The following TECPR1 variants were observed in gnomAD, a reference collection of about 807,000 sequenced individuals.
TECPR1 encodes the protein tectonin beta-propeller repeat containing 1, also known as tectonin beta-propeller repeat-containing protein 1.
A neutral mutation model predicts 162.4 loss-of-function variants in TECPR1; 122 were observed. That is an observed-to-expected ratio of 0.75 (90% CI 0.65 to 0.87). The LOEUF (loss-of-function observed/expected upper bound fraction) is 0.87, where lower values mean the gene tolerates loss of function less well. Among genes scored for constraint, TECPR1 ranks in the 40% least tolerant of loss-of-function variants. TECPR1 has a pLI of 0.00. For synonymous variants in TECPR1, 642 were observed against 670.6 expected (o/e 0.96, Z 0.66); for missense variants, 1,432 against 1,618.2 (o/e 0.88, Z 1.97).
At chr7:98,230,819 TG>T in intron 15 of TECPR1, 141 bp downstream of exon 15, 1 of 1,153,534 alleles carries the variant, frequency 8.7e-7, no homozygotes, top group Non-Finnish European at 1.2e-6. Context: ...CTTGGGGGCC[TG>T]GGAACCAGTG....
At chr7:98,233,330 C>T (rs1798498845) in intron 11 of TECPR1, 91 bp downstream of exon 11, 1 of 1,371,514 alleles carries the variant, frequency 7.3e-7, no homozygotes. Flanking sequence ...GCAGGCCTGC[C>T]CGAGCCCCCT....
At chr7:98,229,476 G>A (rs895127647) in intron 15 of TECPR1, among the ~76,000 whole-genome samples, 8 of 152,214 alleles carry the variant, frequency 5.3e-5, no homozygotes, top group African/African-American at 1.2e-4. Flanking sequence ...GGCCAGCGGC[G>A]TGTTTCACAG....
intron 21 of TECPR1, 145 bp downstream of exon 21, chr7:98,222,845 A>C (rs1798177657): frequency 1.8e-6 from 2 of 1,134,704 alleles, no homozygotes; most frequent in Admixed American, 4.1e-5. Context: ...TTCCTGGGCC[A>C]ACTGCCCCAG....
At chr7:98,230,176 CTTT>C (rs879558249) in intron 15 of TECPR1, among the ~76,000 whole-genome samples, 1 of 145,124 alleles carries the variant, frequency 6.9e-6, no homozygotes, top group Non-Finnish European at 1.5e-5. Context: ...TTTTTGGTTT[CTTT>C]TTTTTTTTGT....
chr7:98,233,820 G>A lies in TECPR1; in HGVS notation c.1273C>T (p.Pro425Ser), dbSNP rs371049413. The change falls in exon 11 of 26, where the codon CCT (proline) becomes TCT (serine). Residue 425 changes from proline (P) to serine (S), a missense_variant. Physicochemically the swap from Pro to Ser is moderately conservative, Grantham distance 74. Transcript: ENST00000447648. ...GGTTCTGCAGGGAGAATCTGGCCAG[G>A]CCCTGGTCTCTCGACTTCCGAGGAG... Reference protein sequence around the residue: ...DASSEVERPGPGQILPAEPLD... With the variant: ...DASSEVERPGSGQILPAEPLD... The A allele has an allele frequency of 5.0e-6, 8 of 1,602,474 alleles. No individual in the cohort carries two copies. Among genetic ancestry groups the A allele is most frequent in the Non-Finnish European group, 6.8e-6 (8 of 1,175,250 alleles).
At chr7:98,243,398 G>A in intron 6 of TECPR1, 69 bp downstream of exon 6, 2 of 1,587,804 alleles carry the variant, frequency 1.3e-6, no homozygotes. Flanking sequence ...GACCCAGGGG[G>A]TGCACAGGAC....
intron 23 of TECPR1, 139 bp downstream of exon 23, chr7:98,221,522 A>T: frequency 1.5e-6 from 1 of 660,430 alleles, no homozygotes; most frequent in African/African-American, 1.8e-5. Context: ...TGTGTCATGC[A>T]GACCATGTTG....
rs143879153 is a variant in TECPR1 at position 98,248,154 on chromosome 7, T to C, written c.-19-1989A>G. 3.2e-3 allele frequency among the ~76,000 whole-genome samples: 490 copies of C among 151,876 alleles called. 3 individuals carry two copies. The highest frequency in any genetic ancestry group is 0.011 in the African/African-American group (465 of 41,430). On this transcript the variant is annotated intron_variant, in intron 2 of 25. Coordinates refer to ENST00000447648, the MANE Select transcript of TECPR1 (RefSeq NM_015395.3). ...GCACCCAGGGGTGTCCTTCCTGGAG[T>C]CCTGGCTCCTGATAGGAACAGTCTT...
At chr7:98,226,576 A>T in intron 17 of TECPR1, 1 of 1,047,240 alleles carries the variant, frequency 9.5e-7, no homozygotes, top group African/African-American at 1.7e-5. Flanking sequence ...GTGAGATTAG[A>T]GTTGTCAGAG....
chr7:98,236,315 G>A (rs912094107), intron 10 of TECPR1, among the ~76,000 whole-genome samples: 7 of 152,176 alleles, frequency 4.6e-5, no homozygotes, highest in Admixed American at 4.6e-4. Flanking sequence ...AGGAGACCCC[G>A]ATGCCTGAGT....
intron 6 of TECPR1, among the ~76,000 whole-genome samples, chr7:98,242,247 A>G (rs1418094125): frequency 6.6e-6 from 1 of 152,176 alleles, no homozygotes; most frequent in Non-Finnish European, 1.5e-5. Context: ...GCGACTGAAG[A>G]ATCCTGCTGT....
chr7:98,246,104 C>T lies in TECPR1; in HGVS notation c.43G>A (p.Val15Met). 1.3e-6 allele frequency: 2 copies of T among 1,556,064 alleles called. No homozygotes were observed. The highest frequency in any genetic ancestry group is 8.7e-7 in the Non-Finnish European group (1 of 1,150,830). The change falls in exon 3 of 26, where the codon GTG (valine) becomes ATG (methionine). Residue 15 changes from valine (V) to methionine (M), a missense_variant. Coordinates refer to ENST00000447648, the MANE Select transcript of TECPR1 (RefSeq NM_015395.3). ...VLWAVDLFGR[V>M]YTLSTAGQYW... ...TGGCCTGCTGTGGACAGCGTGTACA[C>T]TCTCCCGAAGAGGTCCACCGCCCAC...
rs532997444 is a variant in TECPR1 at position 98,247,678 on chromosome 7, C to T, written c.-19-1513G>A. The stretch of plus-strand genomic sequence containing the variant: ...CAGTGACTCCTTCCTCCTCTTCCCC[C>T]GGCTCTCTTCTTCTGCCATTCTCTA... On this transcript the variant is annotated intron_variant, in intron 2 of 25. Transcript: ENST00000447648. Among the ~76,000 whole-genome samples, 55 of 152,160 alleles carry T rather than the reference C, an allele frequency of 3.6e-4. 1 individual carries two copies. The highest frequency in any genetic ancestry group is 1.0e-3 in the South Asian group (5 of 4,824).
Position 98,238,532 on chromosome 7 carries a change from C to T in TECPR1, c.1012G>A (p.Val338Met). 6.4e-7 allele frequency: 1 copy of T among 1,569,338 alleles called. No homozygotes were observed. Among genetic ancestry groups the T allele is most frequent in the East Asian group, 2.4e-5 (1 of 42,526 alleles). Residue 338 changes from valine to methionine, a missense_variant, in exon 9 of 26, where the codon GTG becomes ATG. Val to Met is a conservative substitution (Grantham distance 21). Transcript: ENST00000447648. ...WIEMVGEMTM[V>M]NVGMNDQVWG... ...ACCTGGTCGTTCATTCCCACGTTCA[C>T]CATCGTCATCTCACCAACCATCTCA...
Position 98,222,456 on chromosome 7 carries a change from G to A in TECPR1, c.2994C>T (p.Tyr998=). The change falls in exon 22 of 26, where the codon TAC becomes TAT. Residue 998 remains tyrosine, a synonymous_variant. Coordinates refer to ENST00000447648, the MANE Select transcript of TECPR1 (RefSeq NM_015395.3). ...PFASISIGAC[Y]QVWAVARDGS... is the part of the protein sequence containing the mutation. Reference sequence around the variant, plus strand: ...CGTCCCTTGCCACGGCCCACACCTGGTAGCAGGCCCCGATGGAGATGGAGG... The same window carrying A: ...CGTCCCTTGCCACGGCCCACACCTGATAGCAGGCCCCGATGGAGATGGAGG... 6.3e-7 allele frequency: 1 copy of A among 1,596,098 alleles called. No homozygotes were observed. The highest frequency in any genetic ancestry group is 1.1e-5 in the South Asian group (1 of 87,982).
chr7:98,245,095 T>C lies in TECPR1; in HGVS notation c.226-28A>G, dbSNP rs1474237786. ...GAGGGCCGGGGACACAGAGGCGGCC[T>C]TGGACCCAAGCCTGCTGGGCGGGAA... On this transcript the variant is annotated intron_variant, in intron 3 of 25. Coordinates refer to ENST00000447648, the MANE Select transcript of TECPR1 (RefSeq NM_015395.3). 5 of 1,557,672 alleles carry C rather than the reference T, an allele frequency of 3.2e-6. No homozygotes were observed. The African/African-American group carries it at 6.8e-5, about 21-fold the overall frequency.
At chr7:98,233,067 T>C (rs1798492496) in intron 11 of TECPR1, 95 bp from the exon 12 acceptor site, 4 of 1,409,040 alleles carry the variant, frequency 2.8e-6, no homozygotes, top group East Asian at 4.7e-5. Flanking sequence ...CAGCCCTTTC[T>C]AGCTCAAAAG....
At chr7:98,221,414 T>G (rs1332388135) in intron 23 of TECPR1, among the ~76,000 whole-genome samples, 2 of 152,146 alleles carry the variant, frequency 1.3e-5, no homozygotes, top group Non-Finnish European at 2.9e-5. Flanking sequence ...TATGCATGCA[T>G]GCCTGTATCA....
At position 98,217,442 on chromosome 7, in the gene TECPR1, T is replaced by C. The variant is rs896595393; in HGVS notation, c.3446A>G (p.Gln1149Arg). Reference protein sequence around the residue: ...NATRAPRSSSQEQEPSAPPEA... With the variant: ...NATRAPRSSSREQEPSAPPEA... ...TGGTGGGGCACTCGGCTCCTGCTCC[T>C]GGGACGAGCTCCGGGGGGCCCTGGT... Residue 1149 changes from glutamine to arginine, a missense_variant, in exon 26 of 26, where the codon CAG (glutamine) becomes CGG (arginine). By Grantham distance (43) the Gln-to-Arg change is conservative. Coordinates refer to ENST00000447648, the MANE Select transcript of TECPR1 (RefSeq NM_015395.3). The C allele has an allele frequency of 6.2e-7, 1 of 1,609,890 alleles. No individual in the cohort carries two copies. The highest frequency in any genetic ancestry group is 8.5e-7 in the Non-Finnish European group (1 of 1,178,318).
Sources: gnomAD v4.1 joint callset for allele counts (sites outside exome capture counted in the v4.1 genomes callset) on GRCh38, gnomAD v4.1.1 for gene constraint, MANE v1.5 for transcripts, NCBI Gene and HGNC (gene_info 2026-07-23, HGNC 2026-07-21) for gene names.